RSU1: variants seen among roughly 807,000 people sequenced by gnomAD.
The protein encoded by RSU1 is rsu-1.
RSU1 carries 26 observed loss-of-function variants against 31.1 expected under a neutral mutation model. The ratio of observed to expected loss-of-function variants is 0.84; its 90% CI spans 0.61 to 1.16. The LOEUF is 1.16. RSU1 is among the 50% of genes most tolerant of loss of function. RSU1 has a pLI of 0.00. For missense variants in RSU1, 320 were observed against 339.1 expected, an observed-to-expected ratio of 0.94 and a Z score of 0.44; for synonymous variants, 164 against 136.3, an observed-to-expected ratio of 1.20 and a Z score of -1.41.
chr10:16,734,986 A>G (rs1467441764), intron 7 of RSU1, among the ~76,000 whole-genome samples: 2 of 152,194 alleles, frequency 1.3e-5, no homozygotes, highest in Non-Finnish European at 2.9e-5. Flanking sequence ...CCACAAGCCA[A>G]GGAGTGAGGT....
chr10:16,675,211 AAAAAAAGAAAG>A (rs1183407460), intron 8 of RSU1, among the ~76,000 whole-genome samples: 2 of 150,954 alleles, frequency 1.3e-5, no homozygotes, highest in Non-Finnish European at 2.9e-5. Flanking sequence ...AAAAAAAAAA[AAAAAAAGAAAG>A]AAAAAAAAGT....
chr10:16,809,691 A>G (rs1212938622), intron 2 of RSU1, among the ~76,000 whole-genome samples: 1 of 152,190 alleles, frequency 6.6e-6, no homozygotes, highest in East Asian at 1.9e-4. Flanking sequence ...TTCTCTAACA[A>G]TGGATCTCCT....
chr10:16,812,434 TC>T (rs1838428919), intron 2 of RSU1, among the ~76,000 whole-genome samples: 1 of 151,988 alleles, frequency 6.6e-6, no homozygotes, highest in Non-Finnish European at 1.5e-5. Context: ...AGAGCAAGAC[TC>T]CATCTCAAAA....
intron 7 of RSU1, among the ~76,000 whole-genome samples, chr10:16,722,503 C>T (rs1012835317): frequency 5.9e-5 from 9 of 152,124 alleles, no homozygotes; most frequent in Non-Finnish European, 8.8e-5. Flanking sequence ...ATGTGAGGTG[C>T]CTCTGGAACA....
At chr10:16,774,022 ATTGT>A (rs557478845) in intron 3 of RSU1, among the ~76,000 whole-genome samples, 10 of 152,146 alleles carry the variant, frequency 6.6e-5, no homozygotes, top group African/African-American at 2.4e-4. Flanking sequence ...CTGGTTATCA[ATTGT>A]ATCTGAGTGG....
chr10:16,742,512 T>C (rs528266424), intron 7 of RSU1, among the ~76,000 whole-genome samples: 3 of 151,696 alleles, frequency 2.0e-5, no homozygotes, highest in Non-Finnish European at 2.9e-5. Flanking sequence ...CACTATAATA[T>C]ATAGGAGATG....
At chr10:16,683,248 G>A (rs17331552) in intron 8 of RSU1, among the ~76,000 whole-genome samples, 1 of 151,340 alleles carries the variant, frequency 6.6e-6, no homozygotes, top group Admixed American at 6.6e-5. Context: ...TAAACAGAAC[G>A]TGTCTCCCTG....
chr10:16,710,846 G>T (rs1226140055), intron 7 of RSU1, among the ~76,000 whole-genome samples: 1 of 152,082 alleles, frequency 6.6e-6, no homozygotes, highest in Non-Finnish European at 1.5e-5. Context: ...GTCCCAGTGT[G>T]TAATGCTCCC....
Position 16,593,292 on chromosome 10 carries a change from G to A in RSU1, c.*102C>T, listed in dbSNP as rs910662748. The stretch of plus-strand genomic sequence containing the variant: ...AGAGAGTGAAAAGAAAAATAAAAAA[G>A]GCCTCACACGCAGCATTGGGTTTAT... On this transcript the variant is annotated 3_prime_UTR_variant, in exon 9 of 9. Transcript: ENST00000345264. 4.6e-6 allele frequency: 7 copies of A among 1,538,050 alleles called. No individual in the cohort carries two copies. The East Asian group carries it at 1.6e-4, about 35-fold the overall frequency.
chr10:16,607,602 G>A (rs924770289), intron 8 of RSU1, among the ~76,000 whole-genome samples: 3 of 152,156 alleles, frequency 2.0e-5, no homozygotes, highest in African/African-American at 7.2e-5. Context: ...ATCCACGGCA[G>A]ATATCACACA....
chr10:16,772,805 T>C (rs1446978630), intron 3 of RSU1, among the ~76,000 whole-genome samples: 1 of 152,186 alleles, frequency 6.6e-6, no homozygotes, highest in Non-Finnish European at 1.5e-5. Context: ...CCTCGATTAT[T>C]AACATTACAA....
chr10:16,758,105 G>T (rs1036293524), intron 4 of RSU1, among the ~76,000 whole-genome samples: 2 of 152,200 alleles, frequency 1.3e-5, no homozygotes, highest in African/African-American at 4.8e-5. Context: ...GAACACAGCA[G>T]AGTCCCATGT....
chr10:16,691,899 C>T (rs915057567), intron 8 of RSU1, among the ~76,000 whole-genome samples: 4 of 151,936 alleles, frequency 2.6e-5, no homozygotes, highest in Non-Finnish European at 4.4e-5. Context: ...CCACCACACT[C>T]GGCTAATTTT....
At chr10:16,797,843 G>A (rs1838071545) in intron 2 of RSU1, among the ~76,000 whole-genome samples, 1 of 148,988 alleles carries the variant, frequency 6.7e-6, no homozygotes, top group Non-Finnish European at 1.5e-5. Context: ...AGAAGTTAAA[G>A]TGGGGATTTC....
chr10:16,776,808 TA>T (rs1299409603), intron 3 of RSU1, among the ~76,000 whole-genome samples: 3,271 of 139,290 alleles, frequency 0.023, 160 homozygotes, highest in Admixed American at 0.12. Context: ...TCACAAAATT[TA>T]AAAAAAAAAA....
intron 7 of RSU1, among the ~76,000 whole-genome samples, chr10:16,744,135 A>AG (rs1836802738): frequency 6.6e-6 from 1 of 151,674 alleles, no homozygotes; most frequent in African/African-American, 2.4e-5. Context: ...CTGTCTCAAA[A>AG]AAAAAAAAAA....
chr10:16,815,516 C>G (rs1838510448), intron 2 of RSU1, among the ~76,000 whole-genome samples: 4 of 152,154 alleles, frequency 2.6e-5, no homozygotes, highest in African/African-American at 9.7e-5. Flanking sequence ...GTTGATATCC[C>G]AAACTCACAG....
chr10:16,595,476 G>A (rs1054723874), intron 8 of RSU1, among the ~76,000 whole-genome samples: 1 of 152,204 alleles, frequency 6.6e-6, no homozygotes. Flanking sequence ...GAGCCGGAGC[G>A]TGCACATCCA....
At chr10:16,703,452 C>T (rs945205459) in intron 7 of RSU1, among the ~76,000 whole-genome samples, 12 of 151,942 alleles carry the variant, frequency 7.9e-5, no homozygotes, top group East Asian at 1.9e-4. Context: ...TAAATTTATG[C>T]GGAGGAAATA....
Sources: gnomAD v4.1 joint callset for allele counts (sites outside exome capture counted in the v4.1 genomes callset) on GRCh38, gnomAD v4.1.1 for gene constraint, MANE v1.5 for transcripts, NCBI Gene and HGNC (gene_info 2026-07-23, HGNC 2026-07-21) for gene names.